The following CALHM4 variants were observed in gnomAD, a reference collection of about 807,000 sequenced individuals.
CALHM4 encodes calcium homeostasis modulator protein 4.
Under a neutral mutation model 13.3 loss-of-function variants are expected in CALHM4, and 16 were observed. That is an observed-to-expected ratio of 1.20 (90% CI 0.81 to 1.82). CALHM4 has a LOEUF of 1.82. CALHM4 is among the 40% of genes most tolerant of loss of function. The pLI is 0.00. For missense variants in CALHM4, 344 were observed against 374.9 expected (o/e 0.92, Z 0.68); for synonymous variants, 127 against 137.1 (o/e 0.93, Z 0.52).
rs780793733 is a variant in CALHM4, at chr6:116,561,058, T to G, written c.*2847T>G. ...TTCTCTGTGTCTCTTTTCTCTGTTC[T>G]CAGTCTTCCATTCATTTTTTGTAGA... On this transcript the variant is annotated 3_prime_UTR_variant, in exon 2 of 2. Transcript: ENST00000368596. 2.6e-5 allele frequency among the ~76,000 whole-genome samples: 4 copies of G among 152,260 alleles called. No individual in the cohort carries two copies. Among genetic ancestry groups the G allele is most frequent in the Admixed American group, 6.5e-5 (1 of 15,288 alleles).
upstream of CALHM4, among the ~76,000 whole-genome samples, chr6:116,552,250 G>A (rs913464989): frequency 3.9e-5 from 6 of 152,090 alleles, no homozygotes; most frequent in Admixed American, 2.0e-4. Flanking sequence ...AGTCATTGCC[G>A]TTCTTTTGTA....
intron 1 of CALHM4, among the ~76,000 whole-genome samples, chr6:116,535,448 C>T (rs1020056182): frequency 6.6e-6 from 1 of 152,180 alleles, no homozygotes; most frequent in Non-Finnish European, 1.5e-5. Flanking sequence ...TCAAGCCTAG[C>T]CTTTATAATC....
upstream of CALHM4, among the ~76,000 whole-genome samples, chr6:116,549,570 T>C (rs1773958248): frequency 6.6e-6 from 1 of 151,888 alleles, no homozygotes; most frequent in South Asian, 2.1e-4. Context: ...ACATTATATA[T>C]TATTTATATA....
upstream of CALHM4, among the ~76,000 whole-genome samples, chr6:116,553,598 C>A (rs1774174458): frequency 6.6e-6 from 1 of 152,196 alleles, no homozygotes; most frequent in African/African-American, 2.4e-5. Context: ...CCCTCAATTT[C>A]TTTCAGCTGT....
intron 1 of CALHM4, 119 bp from the exon 2 acceptor site, chr6:116,557,706 G>T: frequency 6.4e-6 from 8 of 1,250,564 alleles, no homozygotes; most frequent in Non-Finnish European, 7.7e-6. Flanking sequence ...GATGGGAAAA[G>T]CAAATTTTAT....
At chr6:116,548,019 C>T (rs1370602499) in intron 2 of CALHM4, among the ~76,000 whole-genome samples, 1 of 152,142 alleles carries the variant, frequency 6.6e-6, no homozygotes, top group Non-Finnish European at 1.5e-5. Context: ...TGTATGATCA[C>T]CCGCAAACTA....
At chr6:116,539,170 A>G (rs997182259) in intron 1 of CALHM4, among the ~76,000 whole-genome samples, 1 of 152,250 alleles carries the variant, frequency 6.6e-6, no homozygotes, top group Non-Finnish European at 1.5e-5. Flanking sequence ...CCATTAAAAC[A>G]GCTGGTATTC....
chr6:116,553,775 T>G lies in CALHM4; in HGVS notation c.-19T>G. On this transcript the variant is annotated 5_prime_UTR_variant, in exon 1 of 2. Coordinates refer to ENST00000368596, the MANE Select transcript of CALHM4 (RefSeq NM_001366078.2). ...GATCAGAAAGGGCCACAAGCTGATTTGTGTAACAGCTTCCCAAGATGTGCC... is the reference window on the plus strand; with the variant it reads ...GATCAGAAAGGGCCACAAGCTGATTGGTGTAACAGCTTCCCAAGATGTGCC... The G allele has an allele frequency of 1.3e-6, 2 of 1,540,654 alleles. No individual in the cohort carries two copies. The highest frequency in any genetic ancestry group is 2.4e-5 in the South Asian group (2 of 82,806).
chr6:116,532,038 T>C (rs1465245920), intron 1 of CALHM4, among the ~76,000 whole-genome samples: 3 of 152,160 alleles, frequency 2.0e-5, no homozygotes, highest in African/African-American at 7.2e-5. Flanking sequence ...TTGCTGTGGA[T>C]TTGTTATTGT....
intron 1 of CALHM4, among the ~76,000 whole-genome samples, chr6:116,536,566 T>C (rs1006228476): frequency 2.0e-5 from 3 of 152,244 alleles, no homozygotes; most frequent in Admixed American, 6.5e-5. Context: ...TCACTTCTCC[T>C]GTCTGGGCAT....
chr6:116,540,451 A>T, intron 1 of CALHM4: 2 of 1,551,328 alleles, frequency 1.3e-6, no homozygotes, highest in Non-Finnish European at 8.7e-7. Context: ...CCGCGTTCCA[A>T]TGCCGTAACC....
chr6:116,534,674 G>T (rs867548673), intron 1 of CALHM4, among the ~76,000 whole-genome samples: 6 of 152,044 alleles, frequency 3.9e-5, no homozygotes, highest in African/African-American at 1.4e-4. Context: ...CCCTGCTTTA[G>T]GCACCCTCAT....
upstream of CALHM4, among the ~76,000 whole-genome samples, chr6:116,549,980 TTATATATATATATATATATA>T (rs10544532): frequency 0.042 from 3,435 of 81,994 alleles, 188 homozygotes; most frequent in African/African-American, 0.14. Context: ...CCATCTTAAA[TTATATATATATATATATATA>T]TATATATATA....
intron 1 of CALHM4, chr6:116,543,663 TG>T: frequency 2.8e-6 from 2 of 724,578 alleles, no homozygotes; most frequent in Non-Finnish European, 4.6e-6. Context: ...TTTGCTTACA[TG>T]ATAACTTGCA....
intron 1 of CALHM4, among the ~76,000 whole-genome samples, chr6:116,541,623 T>C (rs1442899611): frequency 2.0e-5 from 3 of 152,198 alleles, no homozygotes; most frequent in Non-Finnish European, 4.4e-5. Context: ...TCCTTGACTT[T>C]GGAGAAAAAT....
intron 1 of CALHM4, among the ~76,000 whole-genome samples, chr6:116,541,434 CAA>C (rs759747797): frequency 6.6e-6 from 1 of 152,164 alleles, no homozygotes; most frequent in Non-Finnish European, 1.5e-5. Context: ...AAATGCCCAA[CAA>C]GACACCACAG....
intron 1 of CALHM4, among the ~76,000 whole-genome samples, chr6:116,529,750 T>C (rs1380680211): frequency 6.6e-6 from 1 of 152,130 alleles, no homozygotes; most frequent in African/African-American, 2.4e-5. Flanking sequence ...AAAATCAGTC[T>C]CCACAATATC....
intron 1 of CALHM4, among the ~76,000 whole-genome samples, chr6:116,530,908 T>C (rs896504624): frequency 2.6e-5 from 2 of 78,350 alleles, no homozygotes; most frequent in Non-Finnish European, 5.6e-5. Context: ...GACTCATATA[T>C]ATATATATAT....
intron 1 of CALHM4, among the ~76,000 whole-genome samples, chr6:116,537,604 T>C (rs915932150): frequency 7.2e-5 from 11 of 152,184 alleles, no homozygotes; most frequent in African/African-American, 2.7e-4. Flanking sequence ...GAAAGAACTC[T>C]TGTTCTATTT....
Sources: allele counts gnomAD v4.1 joint callset (sites outside exome capture counted in the v4.1 genomes callset), GRCh38; gene constraint gnomAD v4.1.1; transcripts MANE v1.5; gene names NCBI Gene and HGNC (gene_info 2026-07-23, HGNC 2026-07-21).